Variants in MINDY3 observed in about 807,000 individuals in gnomAD.
MINDY3 encodes the protein ubiquitin carboxyl-terminal hydrolase MINDY-3.
MINDY3 carries 38 observed loss-of-function variants against 69.2 expected under a neutral mutation model. The ratio of observed to expected loss-of-function variants is 0.55; its 90% confidence interval spans 0.42 to 0.72. The LOEUF is 0.72. Among genes scored for constraint, MINDY3 ranks in the 30% least tolerant of loss-of-function variants. The pLI, the probability that MINDY3 is intolerant of heterozygous loss-of-function variation, is 0.00. For synonymous variants in MINDY3, 192 were observed against 180.1 expected, an observed-to-expected ratio of 1.07 and a Z score of -0.53; for missense variants, 522 against 519.0, an observed-to-expected ratio of 1.01 and a Z score of -0.06.
rs531170499 is a variant in MINDY3, at chr10:15,820,182, C to T, written c.801+1474G>A. 3.3e-5 allele frequency among the ~76,000 whole-genome samples: 5 copies of T among 152,130 alleles called. No homozygotes were observed. In the East Asian group the frequency reaches 9.6e-4, roughly 29 times the overall value. On this transcript the variant is annotated intron_variant, in intron 9 of 14. Coordinates refer to ENST00000277632, the MANE Select transcript of MINDY3 (RefSeq NM_024948.4). ...GGTCAAGAAAAAAGTCTCTGAGGTA[C>T]GATCTGCAGTCCAGCCTGAAGGGGA... is the stretch of plus-strand genomic sequence containing the variant.
chr10:15,843,289 C>T lies in MINDY3; in HGVS notation c.175-17G>A. The stretch of plus-strand genomic sequence containing the variant: ...AAGAAATGCCTTTACACAATTAAAG[C>T]AATAATTAGTGAAATGCATTATAAC... On this transcript the variant is annotated splice_polypyrimidine_tract_variant and intron_variant, in intron 2 of 14. Transcript: ENST00000277632. 3.1e-6 allele frequency: 5 copies of T among 1,594,254 alleles called. No homozygotes were observed. The highest frequency in any genetic ancestry group is 4.3e-6 in the Non-Finnish European group (5 of 1,162,708).
intron 11 of MINDY3, among the ~76,000 whole-genome samples, chr10:15,789,655 C>G (rs1228811094): frequency 2.0e-5 from 3 of 152,042 alleles, no homozygotes; most frequent in South Asian, 2.1e-4. Context: ...TTTCAATAAA[C>G]AAAGTAAACC....
intron 1 of MINDY3, among the ~76,000 whole-genome samples, chr10:15,853,189 A>G (rs1222650859): frequency 1.3e-5 from 2 of 152,110 alleles, no homozygotes; most frequent in Non-Finnish European, 2.9e-5. Context: ...GAAGGGTGTG[A>G]ATTAGAAAAG....
chr10:15,803,611 C>T (rs934034866), intron 10 of MINDY3, among the ~76,000 whole-genome samples: 8 of 152,096 alleles, frequency 5.3e-5, no homozygotes, highest in Admixed American at 5.2e-4. Flanking sequence ...TATATTTTCT[C>T]TATCTAACTA....
At position 15,780,905 on chromosome 10, in the gene MINDY3, G is replaced by A. The variant is rs559699154; in HGVS notation, c.1188+1250C>T. On this transcript the variant is annotated intron_variant, in intron 14 of 14. Coordinates refer to ENST00000277632, the MANE Select transcript of MINDY3 (RefSeq NM_024948.4). Reference sequence around the variant, plus strand: ...GGAACTCAGTTCCAATCCCTGTTCTGCCAATGACTTGCTGTGTGACCCTGG... The same window carrying A: ...GGAACTCAGTTCCAATCCCTGTTCTACCAATGACTTGCTGTGTGACCCTGG... 1.1e-4 allele frequency among the ~76,000 whole-genome samples: 17 copies of A among 152,206 alleles called. No homozygotes were observed. In the East Asian group the frequency reaches 3.1e-3, roughly 28 times the overall value.
intron 1 of MINDY3, among the ~76,000 whole-genome samples, chr10:15,854,055 A>G (rs1834509734): frequency 6.6e-6 from 1 of 152,134 alleles, no homozygotes; most frequent in Non-Finnish European, 1.5e-5. Flanking sequence ...TAGACTGATA[A>G]TCTCCAAATC....
chr10:15,816,897 AT>A lies in MINDY3; in HGVS notation c.819del (p.Lys273AsnfsTer26). 6.2e-7 allele frequency: 1 copy of A among 1,613,144 alleles called. No homozygotes were observed. The highest frequency in any genetic ancestry group is 8.5e-7 in the Non-Finnish European group (1 of 1,179,412). Reference sequence around the variant, plus strand: ...ACAATCCAAATAGGGAATTTTGGAGATTTCAAGTAAGAACCAACCTAGAACA... The same window carrying A: ...ACAATCCAAATAGGGAATTTTGGAGATTCAAGTAAGAACCAACCTAGAACA... ...LRYCKVGSYLKSPKFPIWIVG... is the reference protein window; with the variant it reads ...LRYCKVGSYLXSPKFPIWIVG... On this transcript the variant is annotated frameshift_variant, in exon 10 of 15. Coordinates refer to ENST00000277632, the MANE Select transcript of MINDY3 (RefSeq NM_024948.4). LOFTEE classifies it high-confidence loss of function.
chr10:15,845,813 A>ATTTTTT (rs891710697), intron 2 of MINDY3, among the ~76,000 whole-genome samples: 3 of 49,306 alleles, frequency 6.1e-5, no homozygotes, highest in African/African-American at 1.7e-4. Context: ...GGCCTATGTG[A>ATTTTTT]TTTTTTTTTT....
At chr10:15,832,026 G>T (rs912684986) in intron 8 of MINDY3, among the ~76,000 whole-genome samples, 1 of 152,166 alleles carries the variant, frequency 6.6e-6, no homozygotes, top group African/African-American at 2.4e-5. Context: ...TCCTGCCAAT[G>T]AAAGTTATCT....
At chr10:15,852,006 G>C (rs534303254) in intron 1 of MINDY3, among the ~76,000 whole-genome samples, 1 of 151,956 alleles carries the variant, frequency 6.6e-6, no homozygotes, top group Non-Finnish European at 1.5e-5. Context: ...TGCTCTTTCC[G>C]CTACTCTCCA....
intron 10 of MINDY3, among the ~76,000 whole-genome samples, chr10:15,804,517 G>A (rs1473800543): frequency 6.6e-6 from 1 of 152,108 alleles, no homozygotes; most frequent in Non-Finnish European, 1.5e-5. Flanking sequence ...GCAATCTGCT[G>A]TCACGATTCA....
chr10:15,813,919 A>T (rs183649600), intron 10 of MINDY3, among the ~76,000 whole-genome samples: 9 of 151,956 alleles, frequency 5.9e-5, no homozygotes, highest in African/African-American at 1.4e-4. Context: ...GCTGGGGAAA[A>T]ATTAAAACAA....
At position 15,851,371 on chromosome 10, in the gene MINDY3, C is replaced by G. The variant is rs536509700; in HGVS notation, c.95-3428G>C. ...GTCCCTTAACATGGTCCTGTATTATCTGGCTCCTGCCTGCATCTCCCTCTT... is the reference window on the plus strand; with the variant it reads ...GTCCCTTAACATGGTCCTGTATTATGTGGCTCCTGCCTGCATCTCCCTCTT... On this transcript the variant is annotated intron_variant, in intron 1 of 14. Transcript: ENST00000277632. 3.3e-5 allele frequency among the ~76,000 whole-genome samples: 5 copies of G among 152,260 alleles called. No homozygotes were observed. The East Asian group carries it at 9.7e-4, about 29-fold the overall frequency.
intron 8 of MINDY3, among the ~76,000 whole-genome samples, chr10:15,823,670 T>C (rs1839913851): frequency 6.6e-6 from 1 of 152,036 alleles, no homozygotes; most frequent in South Asian, 2.1e-4. Context: ...GTATGAAGAG[T>C]ATCCACTGCT....
chr10:15,830,904 T>C (rs1840412793), intron 8 of MINDY3, among the ~76,000 whole-genome samples: 1 of 152,216 alleles, frequency 6.6e-6, no homozygotes. Flanking sequence ...ACGATTTTTG[T>C]TTTAGGCAGT....
In MINDY3 at chr10:15,834,562, G is replaced by C. The variant is rs1359156302; in HGVS notation, c.631C>G (p.Pro211Ala). ...IEDASEPLID[P>A]VYGHGSQSLI... ...AATTACCTGCCATGTCCATATACAG[G>C]ATCTATCAAGGGTTCACTTGCATCT... The change falls in exon 7 of 15, where the codon CCT becomes GCT. Residue 211 changes from proline (P) to alanine (A), a missense_variant. Pro to Ala is a conservative substitution (Grantham distance 27, BLOSUM62 -1). Transcript: ENST00000277632. 2 of 1,611,372 alleles carry C rather than the reference G, an allele frequency of 1.2e-6. No individual in the cohort carries two copies. Among genetic ancestry groups the C allele is most frequent in the Non-Finnish European group, 1.7e-6 (2 of 1,178,212 alleles).
intron 13 of MINDY3, among the ~76,000 whole-genome samples, chr10:15,783,175 G>A (rs78589880): frequency 0.023 from 3,430 of 152,228 alleles, 121 homozygotes; most frequent in African/African-American, 0.078. Flanking sequence ...ATGGGAGGTG[G>A]AGACCTCCCA....
At chr10:15,801,700 G>A (rs930502104) in intron 10 of MINDY3, among the ~76,000 whole-genome samples, 1 of 152,100 alleles carries the variant, frequency 6.6e-6, no homozygotes, top group Non-Finnish European at 1.5e-5. Flanking sequence ...GAACAACATG[G>A]AAGTCTGGTA....
intron 10 of MINDY3, 52 bp from the exon 11 acceptor site, chr10:15,796,224 AAAG>A (rs772567718): frequency 1.4e-6 from 2 of 1,413,974 alleles, no homozygotes; most frequent in Non-Finnish European, 2.0e-6. Context: ...ATGACATTAA[AAAG>A]AAAACAGATA....
Sources: gnomAD v4.1 joint callset for allele counts (sites outside exome capture counted in the v4.1 genomes callset) on GRCh38, gnomAD v4.1.1 for gene constraint, MANE v1.5 for transcripts, NCBI Gene and HGNC (gene_info 2026-07-23, HGNC 2026-07-21) for gene names.